PTPRN2: variants seen among roughly 807,000 people sequenced by gnomAD.
The protein encoded by PTPRN2 is protein tyrosine phosphatase receptor type N2.
Under a neutral mutation model 118.8 loss-of-function variants are expected in PTPRN2, and 74 were observed. That is an observed-to-expected ratio of 0.62 (90% CI 0.52 to 0.76). The LOEUF is 0.76. Among genes scored for constraint, PTPRN2 ranks in the 30% least tolerant of loss-of-function variants. The pLI is 0.00. For missense variants in PTPRN2, 1,481 were observed against 1,394.4 expected (o/e 1.06, Z -0.99); for synonymous variants, 641 against 608.0 (o/e 1.05, Z -0.80).
chr7:158,507,865 C>T (rs778648848), intron 1 of PTPRN2, among the ~76,000 whole-genome samples: 3 of 149,420 alleles, frequency 2.0e-5, no homozygotes, highest in Admixed American at 1.3e-4. Context: ...CAGGGGATAG[C>T]GCTGCAGTGT....
chr7:158,479,890 C>T (rs1586767100), intron 2 of PTPRN2, among the ~76,000 whole-genome samples: 2 of 152,220 alleles, frequency 1.3e-5, no homozygotes, highest in Admixed American at 6.5e-5. Flanking sequence ...GCTGTGGGAG[C>T]GGGGGCTCCT....
At chr7:157,659,045 C>G (rs1255651649) in intron 13 of PTPRN2, among the ~76,000 whole-genome samples, 1 of 151,926 alleles carries the variant, frequency 6.6e-6, no homozygotes, top group Admixed American at 6.6e-5. Flanking sequence ...CTCCCTTCAC[C>G]CCGGGCTGCC....
At chr7:157,873,566 A>G (rs1811257495) in intron 12 of PTPRN2, among the ~76,000 whole-genome samples, 1 of 126,696 alleles carries the variant, frequency 7.9e-6, no homozygotes, top group Non-Finnish European at 1.6e-5. Context: ...CCGGGAGGAG[A>G]ACGTACTGTC....
At chr7:157,765,806 C>T (rs1453970876) in intron 12 of PTPRN2, among the ~76,000 whole-genome samples, 1 of 144,654 alleles carries the variant, frequency 6.9e-6, no homozygotes, top group African/African-American at 2.6e-5. Context: ...CATCCATTCA[C>T]TCACCCATCC....
intron 2 of PTPRN2, among the ~76,000 whole-genome samples, chr7:158,358,700 C>A (rs2151283496): frequency 6.6e-6 from 1 of 152,378 alleles, no homozygotes; most frequent in South Asian, 2.1e-4. Context: ...TAGCGTTCGG[C>A]TGCAGCCGGG....
At chr7:158,435,649 A>G (rs912438691) in intron 2 of PTPRN2, among the ~76,000 whole-genome samples, 5 of 152,240 alleles carry the variant, frequency 3.3e-5, no homozygotes, top group African/African-American at 1.2e-4. Context: ...ATTATTTGCA[A>G]TATCCAAGAT....
intron 12 of PTPRN2, among the ~76,000 whole-genome samples, chr7:157,753,021 G>A (rs1563073401): frequency 6.6e-6 from 1 of 152,246 alleles, no homozygotes; most frequent in Non-Finnish European, 1.5e-5. Flanking sequence ...ATGGATTTCT[G>A]TGGTGTGGCT....
At chr7:157,978,638 C>A (rs2128825999) in intron 11 of PTPRN2, among the ~76,000 whole-genome samples, 1 of 152,056 alleles carries the variant, frequency 6.6e-6, no homozygotes, top group East Asian at 1.9e-4. Context: ...AGACTTTGCT[C>A]AGAGGTGAGC....
intron 1 of PTPRN2, among the ~76,000 whole-genome samples, chr7:158,540,669 G>C (rs560095960): frequency 3.5e-4 from 53 of 152,332 alleles, no homozygotes; most frequent in African/African-American, 1.2e-3. Flanking sequence ...TCGGGCAGGG[G>C]TGGGGTCGCC....
At chr7:158,110,936 G>C in intron 9 of PTPRN2, 21 bp from the exon 10 acceptor site, 1 of 1,542,194 alleles carries the variant, frequency 6.5e-7, no homozygotes. Context: ...CAGCAGGGAT[G>C]GGGAGCAGTC....
At chr7:157,745,297 G>A (rs1013929203) in intron 12 of PTPRN2, among the ~76,000 whole-genome samples, 2 of 152,124 alleles carry the variant, frequency 1.3e-5, no homozygotes, top group Non-Finnish European at 2.9e-5. Context: ...CCAGTGATCT[G>A]CTGGATGAGA....
At chr7:158,582,689 C>T (rs1024079769) in intron 1 of PTPRN2, among the ~76,000 whole-genome samples, 5 of 147,892 alleles carry the variant, frequency 3.4e-5, no homozygotes, top group African/African-American at 1.3e-4. Flanking sequence ...CCCAGCTATT[C>T]AGAAGGCTAA....
chr7:157,542,643 T>A (rs940147772), intron 22 of PTPRN2, among the ~76,000 whole-genome samples: 10 of 152,168 alleles, frequency 6.6e-5, no homozygotes, highest in African/African-American at 2.4e-4. Context: ...GGATCATAAC[T>A]GTTTCCAACA....
intron 2 of PTPRN2, among the ~76,000 whole-genome samples, chr7:158,465,462 T>C (rs1819325324): frequency 6.6e-6 from 1 of 152,244 alleles, no homozygotes; most frequent in Admixed American, 6.5e-5. Flanking sequence ...TTCATTATGA[T>C]AACTGTTTTC....
intron 11 of PTPRN2, among the ~76,000 whole-genome samples, chr7:158,038,662 A>G (rs1475838642): frequency 6.7e-6 from 1 of 149,782 alleles, no homozygotes; most frequent in East Asian, 1.9e-4. Flanking sequence ...TAGCATTTCT[A>G]TATAAATATG....
chr7:158,065,279 C>T (rs552943146), intron 11 of PTPRN2, among the ~76,000 whole-genome samples: 2 of 148,858 alleles, frequency 1.3e-5, no homozygotes. Flanking sequence ...GCCTCCTCAG[C>T]AGCTTCAGGT....
chr7:157,846,721 A>G (rs62476427), intron 12 of PTPRN2, among the ~76,000 whole-genome samples: 4,368 of 32,090 alleles, frequency 0.14, 2 homozygotes, highest in Middle Eastern at 0.27. Flanking sequence ...CGTGCCCGAT[A>G]TCTACAGAGC....
intron 12 of PTPRN2, among the ~76,000 whole-genome samples, chr7:157,841,175 C>T (rs530249082): frequency 1.6e-3 from 247 of 152,336 alleles, no homozygotes; most frequent in African/African-American, 5.7e-3. Flanking sequence ...GCGCTGGCCA[C>T]GATGGCAGCA....
intron 9 of PTPRN2, among the ~76,000 whole-genome samples, chr7:158,132,569 A>ACG (rs1491545916): frequency 5.4e-5 from 1 of 18,520 alleles, no homozygotes; most frequent in Non-Finnish European, 8.2e-5. Context: ...CATCTATCCA[A>ACG]CACTCATATA....
Sources: gnomAD v4.1 joint callset for allele counts (sites outside exome capture counted in the v4.1 genomes callset) on GRCh38, gnomAD v4.1.1 for gene constraint, MANE v1.5 for transcripts, NCBI Gene and HGNC (gene_info 2026-07-23, HGNC 2026-07-21) for gene names.